The following LAMA2 variants were observed in gnomAD, a reference collection of about 807,000 sequenced individuals.
The protein encoded by LAMA2 is laminin subunit alpha 2.
LAMA2 carries 269 observed loss-of-function variants against 364.8 expected under a neutral mutation model. The observed-to-expected ratio is 0.74, with a 90% confidence interval of 0.67 to 0.82. LAMA2 has a LOEUF of 0.82. LAMA2 is among the 40% of genes least tolerant of loss of function. The pLI is 0.00. For synonymous variants in LAMA2, 1,379 were observed against 1,370.6 expected (o/e 1.01, Z -0.14); for missense variants, 3,807 against 3,873.2 (o/e 0.98, Z 0.45).
intron 12 of LAMA2, among the ~76,000 whole-genome samples, chr6:129,222,005 G>A (rs9492273): frequency 0.13 from 20,185 of 152,102 alleles, 3,347 homozygotes; most frequent in African/African-American, 0.39. Flanking sequence ...TATATTTGCT[G>A]AAATTATCTT....
Position 129,453,035 on chromosome 6 carries a change from A to G in LAMA2, c.6477A>G (p.Lys2159=), listed in dbSNP as rs1782764019. The G allele has an allele frequency of 3.7e-6, 6 of 1,612,954 alleles. No individual in the cohort carries two copies. The highest frequency in any genetic ancestry group is 4.2e-6 in the Non-Finnish European group (5 of 1,179,336). The change falls in exon 46 of 65, where the codon AAA becomes AAG. Residue 2159 remains lysine (K), a synonymous_variant. Transcript: ENST00000421865. The stretch of plus-strand genomic sequence containing the variant: ...GAGGTGACTGCATTCGAACATACAA[A>G]CCAGAAATCAAGAAAGGAAGTTACA... ...SSGGDCIRTY[K]PEIKKGSYNN...
intron 41 of LAMA2, among the ~76,000 whole-genome samples, chr6:129,433,574 AT>A (rs1305471307): frequency 6.6e-6 from 1 of 152,212 alleles, no homozygotes; most frequent in East Asian, 1.9e-4. Context: ...CCCTATTCAT[AT>A]TAATAAAAAA....
At chr6:129,158,105 G>A in intron 8 of LAMA2, 1 of 1,612,258 alleles carries the variant, frequency 6.2e-7, no homozygotes, top group Non-Finnish European at 8.5e-7. Flanking sequence ...ACAGACCACA[G>A]GCAGCTGAAT....
Position 129,204,477 on chromosome 6 carries a change from G to GAAA in LAMA2, c.1782+11636_1782+11638dup, listed in dbSNP as rs11423987. Among the ~76,000 whole-genome samples the GAAA allele has an allele frequency of 7.6e-5, 10 of 131,616 alleles. No individual in the cohort carries two copies. In the South Asian group the frequency reaches 9.9e-4, roughly 13 times the overall value. The allele number at this position is 131,616 out of a possible 152,430, so 86.3% of individuals were successfully genotyped here. A position where few individuals can be genotyped will look rare whatever the true frequency, so the allele number is the denominator to read the frequency against. ...AACGCAATATGACTGGTATCCTTAT[G>GAAA]AAAAAAAAAAAAAAGGACAATTTGG... On this transcript the variant is annotated intron_variant, in intron 12 of 64. Coordinates refer to ENST00000421865, the MANE Select transcript of LAMA2 (RefSeq NM_000426.4).
chr6:129,361,444 C>A (rs1008315389), intron 32 of LAMA2, among the ~76,000 whole-genome samples: 1 of 152,224 alleles, frequency 6.6e-6, no homozygotes, highest in Non-Finnish European at 1.5e-5. Flanking sequence ...AGTGCATACA[C>A]TCTCATGATT....
chr6:129,129,564 G>A (rs1335599376), intron 4 of LAMA2, among the ~76,000 whole-genome samples: 1 of 152,138 alleles, frequency 6.6e-6, no homozygotes, highest in Admixed American at 6.6e-5. Context: ...TAAGGGAGGA[G>A]ACTCAAGTAA....
At chr6:128,924,598 A>G (rs1293975413) in intron 1 of LAMA2, among the ~76,000 whole-genome samples, 4 of 152,118 alleles carry the variant, frequency 2.6e-5, no homozygotes, top group Non-Finnish European at 4.4e-5. Flanking sequence ...ATCCTTCTTA[A>G]TCCCTCATAT....
chr6:129,201,738 T>A (rs962413673), intron 12 of LAMA2, among the ~76,000 whole-genome samples: 8 of 151,994 alleles, frequency 5.3e-5, no homozygotes, highest in Non-Finnish European at 8.8e-5. Flanking sequence ...AATCAAAAAC[T>A]ACCAGGTACA....
intron 3 of LAMA2, among the ~76,000 whole-genome samples, chr6:129,077,364 A>G (rs1773729802): frequency 6.6e-6 from 1 of 152,224 alleles, no homozygotes; most frequent in East Asian, 1.9e-4. Flanking sequence ...TTTAGAATAT[A>G]CTCAAGAAAA....
In LAMA2 at chr6:129,274,022, C is replaced by G. The variant is rs578020852; in HGVS notation, c.2450+3271C>G. 9.9e-5 allele frequency among the ~76,000 whole-genome samples: 15 copies of G among 151,660 alleles called. No homozygotes were observed. The South Asian group carries it at 2.1e-3, about 21-fold the overall frequency. On this transcript the variant is annotated intron_variant, in intron 17 of 64. Coordinates refer to ENST00000421865, the MANE Select transcript of LAMA2 (RefSeq NM_000426.4). ...CTAGAATAGCAATTTATTTTAAATT[C>G]CAGCTTTCAATGTGGTATTTTAACA...
intron 8 of LAMA2, chr6:129,158,714 G>A: frequency 2.5e-6 from 4 of 1,614,170 alleles, no homozygotes; most frequent in Non-Finnish European, 3.4e-6. Flanking sequence ...GGGGCATGTG[G>A]GTTGCAAATA....
At chr6:129,099,088 T>C (rs1775351860) in intron 4 of LAMA2, among the ~76,000 whole-genome samples, 1 of 151,676 alleles carries the variant, frequency 6.6e-6, no homozygotes, top group South Asian at 2.1e-4. Context: ...GTTATTAGTT[T>C]ATTAGTTGTA....
chr6:129,413,650 A>G (rs1780646047), intron 40 of LAMA2, among the ~76,000 whole-genome samples: 3 of 152,206 alleles, frequency 2.0e-5, no homozygotes, highest in Non-Finnish European at 4.4e-5. Flanking sequence ...AAAATAAAAA[A>G]CATACTTCAA....
chr6:128,998,172 T>C (rs1784121131), intron 1 of LAMA2, among the ~76,000 whole-genome samples: 1 of 152,010 alleles, frequency 6.6e-6, no homozygotes, highest in African/African-American at 2.4e-5. Flanking sequence ...GATTTTACAG[T>C]TACATAAGGA....
intron 1 of LAMA2, among the ~76,000 whole-genome samples, chr6:129,038,809 C>T (rs1039244607): frequency 6.6e-6 from 1 of 152,128 alleles, no homozygotes; most frequent in Non-Finnish European, 1.5e-5. Context: ...AGACACAATG[C>T]CAATTACTCA....
chr6:129,165,437 T>G, intron 8 of LAMA2, 139 bp from the exon 9 acceptor site: 1 of 595,260 alleles, frequency 1.7e-6, no homozygotes, highest in Non-Finnish European at 3.0e-6. Context: ...AAACATGTAT[T>G]AAAGGTAATT....
At chr6:129,063,140 A>T (rs574376559) in intron 3 of LAMA2, among the ~76,000 whole-genome samples, 32 of 152,250 alleles carry the variant, frequency 2.1e-4, no homozygotes, top group South Asian at 4.1e-4. Context: ...ATATTACAAT[A>T]TCTTGGCAAG....
chr6:129,090,846 A>AGGTCC (rs1774774182), intron 3 of LAMA2, among the ~76,000 whole-genome samples: 1 of 152,212 alleles, frequency 6.6e-6, no homozygotes, highest in Non-Finnish European at 1.5e-5. Flanking sequence ...TAATGGCCAC[A>AGGTCC]GGTCCATCAT....
At chr6:129,201,299 A>T (rs1350849393) in intron 12 of LAMA2, among the ~76,000 whole-genome samples, 1 of 152,202 alleles carries the variant, frequency 6.6e-6, no homozygotes, top group Non-Finnish European at 1.5e-5. Context: ...AGGCCAAGGC[A>T]GCTAGCATTT....
Sources: allele counts gnomAD v4.1 joint callset (sites outside exome capture counted in the v4.1 genomes callset), GRCh38; gene constraint gnomAD v4.1.1; transcripts MANE v1.5; gene names NCBI Gene and HGNC (gene_info 2026-07-23, HGNC 2026-07-21).